VWC2L: variants seen among roughly 807,000 people sequenced by gnomAD.
The protein encoded by VWC2L is von Willebrand factor C domain containing 2 like.
Under a neutral mutation model 21.6 loss-of-function variants are expected in VWC2L, and 10 were observed. The observed-to-expected ratio is 0.46, with a 90% confidence interval of 0.29 to 0.78. The LOEUF is 0.78. VWC2L is among the 30% of genes least tolerant of loss of function. The pLI, the probability that VWC2L is intolerant of heterozygous loss-of-function variation, is 0.10. For missense variants in VWC2L, 209 were observed against 277.1 expected, an observed-to-expected ratio of 0.75 and a Z score of 1.74; for synonymous variants, 96 against 94.3, an observed-to-expected ratio of 1.02 and a Z score of -0.10.
intron 3 of VWC2L, among the ~76,000 whole-genome samples, chr2:214,494,860 G>C (rs1317356283): frequency 6.6e-6 from 1 of 151,280 alleles, no homozygotes; most frequent in East Asian, 1.9e-4. Flanking sequence ...TTCACTTATG[G>C]TAGAAAACTT....
chr2:214,535,050 G>A (rs1458789956), intron 3 of VWC2L, among the ~76,000 whole-genome samples: 1 of 152,048 alleles, frequency 6.6e-6, no homozygotes, highest in East Asian at 1.9e-4. Flanking sequence ...TAAAGAAAAG[G>A]AAAGCTTCAT....
chr2:214,538,758 T>C (rs978136024), intron 3 of VWC2L, among the ~76,000 whole-genome samples: 1 of 152,034 alleles, frequency 6.6e-6, no homozygotes, highest in Non-Finnish European at 1.5e-5. Flanking sequence ...TCATAAAATA[T>C]CTTACTATCT....
At chr2:214,483,379 G>T (rs1688632677) in intron 3 of VWC2L, among the ~76,000 whole-genome samples, 1 of 150,738 alleles carries the variant, frequency 6.6e-6, no homozygotes, top group South Asian at 2.1e-4. Context: ...ACTTCAATTA[G>T]CATGATAAAA....
Position 214,413,970 on chromosome 2 carries a change from A to G in VWC2L, c.-80-144A>G, listed in dbSNP as rs1574551393. 5.3e-5 allele frequency: 25 copies of G among 467,504 alleles called. No individual in the cohort carries two copies. In the East Asian group the frequency reaches 9.6e-4, roughly 18 times the overall value. The allele number at this position is 467,504 out of a possible 1,614,324, so 29.0% of individuals were successfully genotyped here. A position where few individuals can be genotyped will look rare whatever the true frequency, so the allele number is the denominator to read the frequency against. On this transcript the variant is annotated intron_variant, in intron 1 of 3. Coordinates refer to ENST00000312504, the MANE Select transcript of VWC2L (RefSeq NM_001080500.4). The stretch of plus-strand genomic sequence containing the variant: ...TATCAACTCTCCAAACCTCACAATA[A>G]GGCACAGATAGTTGCATGAACTTAG...
At chr2:214,527,575 CT>C (rs1161945226) in intron 3 of VWC2L, among the ~76,000 whole-genome samples, 3 of 152,040 alleles carry the variant, frequency 2.0e-5, no homozygotes, top group Non-Finnish European at 4.4e-5. Flanking sequence ...GCCTCAGGGC[CT>C]TTGCACTTGT....
At chr2:214,458,608 C>T (rs1271652364) in intron 3 of VWC2L, among the ~76,000 whole-genome samples, 1 of 151,982 alleles carries the variant, frequency 6.6e-6, no homozygotes, top group Admixed American at 6.6e-5. Flanking sequence ...TGCTCTATTA[C>T]CATGGGTTTT....
At chr2:214,516,652 A>G (rs1275866439) in intron 3 of VWC2L, among the ~76,000 whole-genome samples, 2 of 118,422 alleles carry the variant, frequency 1.7e-5, no homozygotes, top group South Asian at 2.9e-4. Context: ...CAGCCTTTTG[A>G]AATTAAAAAA....
chr2:214,558,105 C>A (rs1689902665), intron 3 of VWC2L, among the ~76,000 whole-genome samples: 1 of 152,236 alleles, frequency 6.6e-6, no homozygotes, highest in South Asian at 2.1e-4. Flanking sequence ...ATCTCAGCTG[C>A]ACTTGACACT....
intron 3 of VWC2L, among the ~76,000 whole-genome samples, chr2:214,561,979 ATG>A (rs1689982384): frequency 6.6e-6 from 1 of 151,556 alleles, no homozygotes; most frequent in Non-Finnish European, 1.5e-5. Context: ...TTGAAATCTG[ATG>A]TGTTTTTCTT....
chr2:214,498,320 A>G (rs1055565159), intron 3 of VWC2L, among the ~76,000 whole-genome samples: 16 of 152,168 alleles, frequency 1.1e-4, no homozygotes, highest in African/African-American at 3.9e-4. Flanking sequence ...CTCTGCCGCT[A>G]TGCACCATCC....
At chr2:214,480,040 C>T (rs976101996) in intron 3 of VWC2L, among the ~76,000 whole-genome samples, 5 of 152,118 alleles carry the variant, frequency 3.3e-5, no homozygotes, top group Middle Eastern at 3.4e-3. Context: ...ACAGAATTTA[C>T]GTTGTATTAC....
chr2:214,518,712 T>G (rs980799808), intron 3 of VWC2L, among the ~76,000 whole-genome samples: 2 of 152,158 alleles, frequency 1.3e-5, no homozygotes, highest in African/African-American at 4.8e-5. Context: ...CTTTTCTCAG[T>G]AGTACTGTAT....
At chr2:214,460,480 TTG>T (rs147820603) in intron 3 of VWC2L, among the ~76,000 whole-genome samples, 1 of 152,008 alleles carries the variant, frequency 6.6e-6, no homozygotes, top group East Asian at 1.9e-4. Flanking sequence ...TTGTGTGTGT[TTG>T]TGTGTGTGTG....
chr2:214,454,698 G>A (rs887113601), intron 3 of VWC2L, among the ~76,000 whole-genome samples: 1 of 138,152 alleles, frequency 7.2e-6, no homozygotes, highest in Middle Eastern at 4.5e-3. Context: ...CTGCCTCCCA[G>A]GTTCATGCCA....
intron 3 of VWC2L, among the ~76,000 whole-genome samples, chr2:214,572,717 A>G (rs1247087804): frequency 1.3e-5 from 2 of 152,218 alleles, no homozygotes; most frequent in Admixed American, 6.5e-5. Context: ...TTTTAAGCAG[A>G]TAAGACTATT....
intron 3 of VWC2L, among the ~76,000 whole-genome samples, chr2:214,552,833 C>T (rs190876126): frequency 2.0e-5 from 3 of 152,308 alleles, no homozygotes; most frequent in African/African-American, 4.8e-5. Context: ...TCATATTCGA[C>T]TGCTTAATTT....
At chr2:214,527,742 T>A (rs1188528379) in intron 3 of VWC2L, among the ~76,000 whole-genome samples, 1 of 152,178 alleles carries the variant, frequency 6.6e-6, no homozygotes, top group Non-Finnish European at 1.5e-5. Flanking sequence ...GTTTATTGTC[T>A]AAATAAACCA....
Position 214,503,437 on chromosome 2 carries a change from T to A in VWC2L, c.520+66679T>A, listed in dbSNP as rs144062445. The stretch of plus-strand genomic sequence containing the variant: ...ATTCATCTTGATACCAAGGCCATAG[T>A]AAAATATAATTAATTTTTATATTGA... On this transcript the variant is annotated intron_variant, in intron 3 of 3. Coordinates refer to ENST00000312504, the MANE Select transcript of VWC2L (RefSeq NM_001080500.4). 8.3e-3 allele frequency among the ~76,000 whole-genome samples: 1,260 copies of A among 152,242 alleles called. 10 individuals carry two copies. The highest frequency in any genetic ancestry group is 0.024 in the Middle Eastern group (7 of 294).
rs1451478991 is a variant in VWC2L at position 214,567,575 on chromosome 2, C to CAGAGAGAG, written c.521-8096_521-8095insGAGAGAGA. 1.5e-4 allele frequency among the ~76,000 whole-genome samples: 19 copies of CAGAGAGAG among 127,864 alleles called. 1 individual carries two copies. Among genetic ancestry groups the CAGAGAGAG allele is most frequent in the African/African-American group, 2.8e-4 (9 of 32,202 alleles). 83.9% of individuals were successfully genotyped at this position (127,864 alleles called of 152,430 possible). The stretch of plus-strand genomic sequence containing the variant: ...ACACACACACACACACACACACACA[C>CAGAGAGAG]ACACACACACACACACACACAGAGA... On this transcript the variant is annotated intron_variant, in intron 3 of 3. Coordinates refer to ENST00000312504, the MANE Select transcript of VWC2L (RefSeq NM_001080500.4).
Sources: allele counts gnomAD v4.1 joint callset (sites outside exome capture counted in the v4.1 genomes callset), GRCh38; gene constraint gnomAD v4.1.1; transcripts MANE v1.5; gene names NCBI Gene and HGNC (gene_info 2026-07-23, HGNC 2026-07-21).